The following IGF2R variants were observed in gnomAD, a reference collection of about 807,000 sequenced individuals.
The protein encoded by IGF2R is cation-independent mannose-6-phosphate receptor.
Under a neutral mutation model 270.6 loss-of-function variants are expected in IGF2R, and 91 were observed. That is an observed-to-expected ratio of 0.34 (90% CI 0.28 to 0.40). The LOEUF is 0.40. IGF2R is among the 10% of genes least tolerant of loss of function. The probability of loss-of-function intolerance (pLI) is 1.00; values close to 1 mark genes in which losing one functional copy is unlikely to be tolerated. For missense variants in IGF2R, 2,805 were observed against 3,188.3 expected, an observed-to-expected ratio of 0.88 and a Z score of 2.90; for synonymous variants, 1,316 against 1,258.9, an observed-to-expected ratio of 1.05 and a Z score of -0.96.
intron 19 of IGF2R, among the ~76,000 whole-genome samples, chr6:160,056,208 G>C (rs1056599709): frequency 1.3e-5 from 2 of 152,176 alleles, no homozygotes; most frequent in Non-Finnish European, 2.9e-5. Context: ...CTATATTTCT[G>C]AATATCCAAG....
At chr6:160,012,765 T>TATATATATATA (rs1562343074) in intron 4 of IGF2R, among the ~76,000 whole-genome samples, 2,347 of 75,516 alleles carry the variant, frequency 0.031, 165 homozygotes, top group East Asian at 0.064. Flanking sequence ...ATATATATAT[T>TATATATATATA]TTTTTTTTTT....
At chr6:160,099,027 C>T (rs957115238) in intron 45 of IGF2R, among the ~76,000 whole-genome samples, 4 of 152,118 alleles carry the variant, frequency 2.6e-5, no homozygotes, top group African/African-American at 9.7e-5. Flanking sequence ...GGTTCTTTCA[C>T]AATATTTGAT....
intron 2 of IGF2R, among the ~76,000 whole-genome samples, chr6:160,001,577 CA>C (rs1484477992): frequency 1.3e-5 from 2 of 152,182 alleles, no homozygotes; most frequent in East Asian, 3.8e-4. Context: ...CTGGTGCCAA[CA>C]AGGTTGGGGG....
At chr6:160,044,703 G>A in intron 13 of IGF2R, 46 bp downstream of exon 13, 2 of 1,487,754 alleles carry the variant, frequency 1.3e-6, no homozygotes, top group African/African-American at 1.4e-5. Context: ...TTCTGCCAGA[G>A]GTCCTGCATT....
intron 39 of IGF2R, among the ~76,000 whole-genome samples, chr6:160,081,427 CAA>C (rs1456715167): frequency 6.6e-6 from 1 of 152,106 alleles, no homozygotes; most frequent in East Asian, 1.9e-4. Context: ...TCAAGGATGA[CAA>C]GAGGTCACAA....
Position 159,986,863 on chromosome 6 carries a change from A to G in IGF2R, c.150-4321A>G, listed in dbSNP as rs184775199. ...GAATGGTTTCATTTGCTTGGCTGTT[A>G]AATGAACCATACTGTTTGGAATAGT... is the stretch of plus-strand genomic sequence containing the variant. On this transcript the variant is annotated intron_variant, in intron 1 of 47. Coordinates refer to ENST00000356956, the MANE Select transcript of IGF2R (RefSeq NM_000876.4). Among the ~76,000 whole-genome samples, 16 of 152,072 alleles carry G rather than the reference A, an allele frequency of 1.1e-4. No individual in the cohort carries two copies. The East Asian group carries it at 3.1e-3, about 29-fold the overall frequency.
At chr6:160,099,113 G>C (rs924478447) in intron 45 of IGF2R, among the ~76,000 whole-genome samples, 3 of 152,224 alleles carry the variant, frequency 2.0e-5, no homozygotes, top group Non-Finnish European at 4.4e-5. Context: ...GCCCAGCACA[G>C]TTATTGATGA....
intron 1 of IGF2R, among the ~76,000 whole-genome samples, chr6:159,980,196 AAAGAAAG>A (rs1428473406): frequency 3.9e-5 from 3 of 77,358 alleles, no homozygotes; most frequent in African/African-American, 2.0e-4. Flanking sequence ...AGAAAGAAAG[AAAGAAAG>A]AAAGAAAGAA....
chr6:160,063,402 C>T lies in IGF2R; in HGVS notation c.3671-13C>T, dbSNP rs1480269701. ...GGTTGCAGTTGCCCTTCACTTCTTC[C>T]ATGTTCTTGAAGGGGACAACTGTGA... On this transcript the variant is annotated splice_polypyrimidine_tract_variant and intron_variant, in intron 26 of 47. Coordinates refer to ENST00000356956, the MANE Select transcript of IGF2R (RefSeq NM_000876.4). The T allele has an allele frequency of 6.2e-7, 1 of 1,601,588 alleles. No homozygotes were observed. The highest frequency in any genetic ancestry group is 1.7e-5 in the Admixed American group (1 of 59,958).
rs758806961 is a variant in IGF2R at position 160,024,662 on chromosome 6, G to C, written c.604G>C (p.Asp202His). 19 of 1,613,984 alleles carry C rather than the reference G, an allele frequency of 1.2e-5. No individual in the cohort carries two copies. In the African/African-American group the frequency reaches 2.0e-4, roughly 17 times the overall value. Reference protein sequence around the residue: ...LSGAYLVDDSDPDTSLFINVC... With the variant: ...LSGAYLVDDSHPDTSLFINVC... ...TGGTGCCTACTTGGTGGATGACTCC[G>C]ATCCGGACACTTCTCTATTCATCAA... The change falls in exon 5 of 48, where the codon GAT (aspartate) becomes CAT (histidine). Residue 202 changes from aspartate (D) to histidine (H), a missense_variant. Asp to His is a moderately conservative substitution (Grantham distance 81, BLOSUM62 -1). Transcript: ENST00000356956.
chr6:160,090,859 A>G (rs926664104), intron 44 of IGF2R, among the ~76,000 whole-genome samples: 4 of 150,322 alleles, frequency 2.7e-5, no homozygotes, highest in East Asian at 3.9e-4. Flanking sequence ...TGCTGAGCAC[A>G]TTGCCGAGAA....
At chr6:160,049,420 A>G (rs1778144994) in intron 18 of IGF2R, among the ~76,000 whole-genome samples, 1 of 152,172 alleles carries the variant, frequency 6.6e-6, no homozygotes, top group African/African-American at 2.4e-5. Context: ...GAAGTTGAAC[A>G]GGGGGACACT....
intron 1 of IGF2R, among the ~76,000 whole-genome samples, chr6:159,983,166 C>T (rs533587181): frequency 1.1e-4 from 17 of 152,276 alleles, no homozygotes; most frequent in African/African-American, 2.6e-4. Context: ...GCAGCTGTGT[C>T]GGCCTGGGGC....
At chr6:159,988,942 A>C (rs1039705687) in intron 1 of IGF2R, among the ~76,000 whole-genome samples, 4 of 152,082 alleles carry the variant, frequency 2.6e-5, no homozygotes, top group Middle Eastern at 3.4e-3. Flanking sequence ...TTTATTGATG[A>C]TTTTTCTCTG....
intron 20 of IGF2R, among the ~76,000 whole-genome samples, chr6:160,056,877 A>G (rs996112865): frequency 6.6e-6 from 1 of 152,090 alleles, no homozygotes; most frequent in African/African-American, 2.4e-5. Flanking sequence ...CACCTAAACC[A>G]TCTCAGTGCC....
intron 31 of IGF2R, among the ~76,000 whole-genome samples, chr6:160,071,421 G>A (rs1317109084): frequency 6.6e-6 from 1 of 152,208 alleles, no homozygotes; most frequent in Non-Finnish European, 1.5e-5. Context: ...ACTCTGCAGT[G>A]GACATGAAGC....
At chr6:160,060,921 CTA>C (rs1778425816) in intron 23 of IGF2R, among the ~76,000 whole-genome samples, 1 of 152,038 alleles carries the variant, frequency 6.6e-6, no homozygotes. Flanking sequence ...GAGAATCTGA[CTA>C]TATAGTTAAT....
chr6:160,002,451 T>C (rs772261460), intron 2 of IGF2R, among the ~76,000 whole-genome samples: 31 of 152,176 alleles, frequency 2.0e-4, no homozygotes, highest in Non-Finnish European at 4.1e-4. Context: ...TGAGCGGCAG[T>C]GGATCATCAT....
In IGF2R at chr6:159,969,116, C is replaced by T. The variant is rs1783564877; in HGVS notation, c.-131C>T. ...GCTGTCGCCGAGCCCAGTCGAGCCG[C>T]GCTCACCTCGGGCTCCCGCTCCGTC... is the stretch of plus-strand genomic sequence containing the variant. On this transcript the variant is annotated 5_prime_UTR_variant, in exon 1 of 48. Coordinates refer to ENST00000356956, the MANE Select transcript of IGF2R (RefSeq NM_000876.4). 4.7e-6 allele frequency: 2 copies of T among 429,650 alleles called. No individual in the cohort carries two copies. Among genetic ancestry groups the T allele is most frequent in the South Asian group, 1.9e-4 (2 of 10,634 alleles). The allele number at this position is 429,650 out of a possible 1,614,324, so 26.6% of individuals were successfully genotyped here.
Sources: allele counts gnomAD v4.1 joint callset (sites outside exome capture counted in the v4.1 genomes callset), GRCh38; gene constraint gnomAD v4.1.1; transcripts MANE v1.5; gene names NCBI Gene and HGNC (gene_info 2026-07-23, HGNC 2026-07-21).